Variants in SGCD observed in about 807,000 individuals in gnomAD.
SGCD encodes the protein delta-sarcoglycan.
Under a neutral mutation model 36.6 loss-of-function variants are expected in SGCD, and 18 were observed. The ratio of observed to expected loss-of-function variants is 0.49; its 90% CI spans 0.34 to 0.73. The LOEUF (loss-of-function observed/expected upper bound fraction) is 0.73, where lower values mean the gene tolerates loss of function less well. Ranked by LOEUF, SGCD falls within the 30% of genes least tolerant of loss-of-function variation. SGCD has a pLI of 0.01. For missense variants in SGCD, 387 were observed against 346.7 expected (o/e 1.12, Z -0.92); for synonymous variants, 133 against 130.6 (o/e 1.02, Z -0.12).
the SGCD span, among the ~76,000 whole-genome samples, chr5:155,738,899 G>A: frequency 1.3e-5 from 2 of 151,170 alleles, no homozygotes; most frequent in Admixed American, 1.3e-4. Flanking sequence ...GTGAGTGTGT[G>A]AGAGAGTATG....
chr5:156,445,440 G>A (rs1022796932), intron 3 of SGCD, among the ~76,000 whole-genome samples: 1 of 152,056 alleles, frequency 6.6e-6, no homozygotes, highest in Non-Finnish European at 1.5e-5. Context: ...GGAAAAAATG[G>A]GAAATACAAA....
At chr5:156,108,760 A>G (rs370899797) in intron 1 of SGCD, among the ~76,000 whole-genome samples, 5 of 152,124 alleles carry the variant, frequency 3.3e-5, no homozygotes. Context: ...AAACTCATGG[A>G]TAAGAGGGTT....
At chr5:156,234,630 C>T (rs1209135425) in intron 3 of SGCD, among the ~76,000 whole-genome samples, 2 of 152,194 alleles carry the variant, frequency 1.3e-5, no homozygotes, top group African/African-American at 2.4e-5. Flanking sequence ...ATCAAAATCA[C>T]AGCACTCGAT....
intron 7 of SGCD, among the ~76,000 whole-genome samples, chr5:156,737,296 T>C (rs1756424306): frequency 6.6e-6 from 1 of 152,148 alleles, no homozygotes; most frequent in Non-Finnish European, 1.5e-5. Context: ...GTTCTAGTGA[T>C]AGAGTTGCAG....
intron 5 of SGCD, among the ~76,000 whole-genome samples, chr5:156,592,072 A>G (rs1035156986): frequency 3.9e-5 from 6 of 152,150 alleles, no homozygotes. Context: ...CTATACTGCT[A>G]TAGTCCTTTA....
At chr5:156,244,203 A>G (rs1280783458) in intron 3 of SGCD, among the ~76,000 whole-genome samples, 2 of 152,206 alleles carry the variant, frequency 1.3e-5, no homozygotes, top group African/African-American at 4.8e-5. Context: ...AAGACAAAAC[A>G]TCGGACACAC....
the SGCD span, among the ~76,000 whole-genome samples, chr5:155,787,074 A>T: frequency 6.6e-6 from 1 of 152,130 alleles, no homozygotes; most frequent in Non-Finnish European, 1.5e-5. Context: ...GTTTATGCAG[A>T]TTTGCGTGGC....
chr5:155,985,534 G>C (rs1758313381), intron 1 of SGCD, among the ~76,000 whole-genome samples: 1 of 152,112 alleles, frequency 6.6e-6, no homozygotes, highest in African/African-American at 2.4e-5. Context: ...ATGTTCTAGG[G>C]ATTAGGATGT....
intron 1 of SGCD, among the ~76,000 whole-genome samples, chr5:156,092,475 T>G (rs1292582796): frequency 6.6e-6 from 1 of 152,228 alleles, no homozygotes; most frequent in Non-Finnish European, 1.5e-5. Context: ...TATCTAGTTG[T>G]AAGCTTCTCA....
At chr5:155,780,205 C>T in the SGCD span, among the ~76,000 whole-genome samples, 2 of 152,048 alleles carry the variant, frequency 1.3e-5, no homozygotes, top group Non-Finnish European at 2.9e-5. Context: ...TGCATGACAC[C>T]AAGTTCTTTC....
intron 7 of SGCD, among the ~76,000 whole-genome samples, chr5:156,724,088 C>T (rs1183881808): frequency 6.6e-6 from 1 of 152,068 alleles, no homozygotes; most frequent in Non-Finnish European, 1.5e-5. Context: ...AGGAGGTAAA[C>T]CCAAATTGTG....
rs1340575933 is a variant in SGCD at position 156,050,405 on chromosome 5, C to G, written c.-281-67473C>G. Among the ~76,000 whole-genome samples the G allele has an allele frequency of 1.4e-5, 2 of 146,372 alleles. 1 individual carries two copies. ...AATTATAAAGGGTACATTTTTTATACCTAATGCTATTGCATACTTACAGTA... is the reference window on the plus strand; with the variant it reads ...AATTATAAAGGGTACATTTTTTATAGCTAATGCTATTGCATACTTACAGTA... On this transcript the variant is annotated intron_variant, in intron 1 of 9. Transcript: ENST00000517913.
At chr5:156,570,061 A>T (rs1759657241) in intron 4 of SGCD, among the ~76,000 whole-genome samples, 1 of 152,204 alleles carries the variant, frequency 6.6e-6, no homozygotes, top group African/African-American at 2.4e-5. Flanking sequence ...TGCTCTGAGG[A>T]TAATAGAATT....
intron 1 of SGCD, among the ~76,000 whole-genome samples, chr5:155,905,156 A>G (rs190091096): frequency 1.1e-3 from 167 of 152,314 alleles, no homozygotes; most frequent in Non-Finnish European, 2.1e-3. Flanking sequence ...CTCGTAGCCA[A>G]TGCTGCAGAC....
At chr5:156,269,505 A>AAAAAAAAAAAAAAAAC (rs1189540837) in intron 3 of SGCD, among the ~76,000 whole-genome samples, 1 of 86,174 alleles carries the variant, frequency 1.2e-5, no homozygotes, top group Non-Finnish European at 2.4e-5. Flanking sequence ...AAAAAAAAAA[A>AAAAAAAAAAAAAAAAC]AAAAACCATC....
the SGCD span, among the ~76,000 whole-genome samples, chr5:155,794,002 C>A: frequency 2.1e-5 from 3 of 145,908 alleles, no homozygotes; most frequent in Admixed American, 6.8e-5. Flanking sequence ...AGCTAAAAGT[C>A]TAAATACCTG....
At chr5:155,995,318 A>G (rs1190536012) in intron 1 of SGCD, among the ~76,000 whole-genome samples, 2 of 152,182 alleles carry the variant, frequency 1.3e-5, no homozygotes, top group Non-Finnish European at 2.9e-5. Flanking sequence ...AGCATTATAA[A>G]CAGTATATTT....
At chr5:156,334,609 CTTTT>C (rs35767339) in intron 2 of SGCD, among the ~76,000 whole-genome samples, 10 of 105,066 alleles carry the variant, frequency 9.5e-5, no homozygotes, top group African/African-American at 3.8e-4. Context: ...GGTCTATTTT[CTTTT>C]TTTTTTTTTT....
chr5:155,738,734 G>A, the SGCD span, among the ~76,000 whole-genome samples: 5 of 150,524 alleles, frequency 3.3e-5, no homozygotes, highest in African/African-American at 7.4e-5. Context: ...GTGTGTGAGA[G>A]AGTGTGTGCA....
Sources: allele counts gnomAD v4.1 joint callset (sites outside exome capture counted in the v4.1 genomes callset), GRCh38; gene constraint gnomAD v4.1.1; transcripts MANE v1.5; gene names NCBI Gene and HGNC (gene_info 2026-07-23, HGNC 2026-07-21).